CPT1B: variants seen among roughly 807,000 people sequenced by gnomAD.
CPT1B encodes carnitine O-palmitoyltransferase 1, muscle isoform.
A neutral mutation model predicts 92.7 loss-of-function variants in CPT1B; 57 were observed. The ratio of observed to expected loss-of-function variants is 0.62; its 90% CI spans 0.50 to 0.77. CPT1B has a LOEUF of 0.77. CPT1B is among the 30% of genes least tolerant of loss of function. CPT1B has a pLI of 0.00. For missense variants in CPT1B, 983 were observed against 1,017.4 expected, an observed-to-expected ratio of 0.97 and a Z score of 0.46; for synonymous variants, 398 against 383.5, an observed-to-expected ratio of 1.04 and a Z score of -0.44.
chr22:50,573,038 G>A lies in CPT1B; in HGVS notation c.1189C>T (p.Gln397Ter). 1 of 1,603,702 alleles carries A rather than the reference G, an allele frequency of 6.2e-7. No homozygotes were observed. The highest frequency in any genetic ancestry group is 8.5e-7 in the Non-Finnish European group (1 of 1,171,922). ...TTCTTTCCAGAGCTAAAGAAGGCCT[G>A]GCGTGCCTGCGCCCACTCCACCCTG... ...GGRVEWAQARQAFFSSGKNKA... is the reference protein window; with the variant it reads ...GGRVEWAQAR Residue 397 changes from glutamine to a stop codon, truncating the protein, a stop_gained, in exon 11 of 20, where the codon CAG (glutamine) becomes TAG (stop). Transcript: ENST00000312108. LOFTEE classifies it high-confidence loss of function. This position sits in a 1 kb window ranked among gnomAD's most constrained non-coding sequence, Gnocchi z 5.0.
In CPT1B at chr22:50,572,073, T is replaced by C; in HGVS notation, c.1508A>G (p.His503Arg). ...SFHLGYTETG[H>R]CLGKPNPALA... Reference sequence around the variant, plus strand: ...CGCAGGGTTCGGTTTGCCCAGGCAGTGCCCGGTCTCCGTGTAGCCCAGGTG... The same window carrying C: ...CGCAGGGTTCGGTTTGCCCAGGCAGCGCCCGGTCTCCGTGTAGCCCAGGTG... Residue 503 changes from histidine to arginine, a missense_variant, in exon 13 of 20, where the codon CAC (histidine) becomes CGC (arginine). Coordinates refer to ENST00000312108, the MANE Select transcript of CPT1B (RefSeq NM_152246.3). 1 of 1,614,164 alleles carries C rather than the reference T, an allele frequency of 6.2e-7. No individual in the cohort carries two copies. The highest frequency in any genetic ancestry group is 1.1e-5 in the South Asian group (1 of 91,082).
chr22:50,577,757 A>T lies in CPT1B; in HGVS notation c.141+18T>A. ...AGCCGGCCTCTGCCTACGCTCTGGGAGAAGCACCTGTGCGCACCTTGATGC... is the reference window on the plus strand; with the variant it reads ...AGCCGGCCTCTGCCTACGCTCTGGGTGAAGCACCTGTGCGCACCTTGATGC... On this transcript the variant is annotated intron_variant, in intron 2 of 19. Coordinates refer to ENST00000312108, the MANE Select transcript of CPT1B (RefSeq NM_152246.3). 1 of 1,609,026 alleles carries T rather than the reference A, an allele frequency of 6.2e-7. No homozygotes were observed. The highest frequency in any genetic ancestry group is 8.5e-7 in the Non-Finnish European group (1 of 1,176,008).
chr22:50,577,318 C>T lies in CPT1B; in HGVS notation c.281+6G>A. 1 of 1,613,568 alleles carries T rather than the reference C, an allele frequency of 6.2e-7. No individual in the cohort carries two copies. Among genetic ancestry groups the T allele is most frequent in the Non-Finnish European group, 8.5e-7 (1 of 1,179,912 alleles). On this transcript the variant is annotated splice_donor_region_variant and intron_variant, in intron 3 of 19. Coordinates refer to ENST00000312108, the MANE Select transcript of CPT1B (RefSeq NM_152246.3). The stretch of plus-strand genomic sequence containing the variant: ...GCACCTGTGCCCTTCCAGTTTCACT[C>T]CTTACCCCTGAGGGAGGCATCTCTG...
intron 13 of CPT1B, 189 bp downstream of exon 13, chr22:50,571,817 G>T: frequency 1.4e-6 from 1 of 691,092 alleles, no homozygotes; most frequent in Non-Finnish European, 2.5e-6. Context: ...CCCCAGGGGC[G>T]GTGGGTGGTC....
At chr22:50,571,595 G>C (rs2070178059) in intron 13 of CPT1B, 56 bp from the exon 14 acceptor site, 37 of 1,581,302 alleles carry the variant, frequency 2.3e-5, no homozygotes, top group Middle Eastern at 3.4e-4. Context: ...CAGGACTCTG[G>C]GTCATGTCTA....
chr22:50,572,804 T>C (rs1043761185), intron 11 of CPT1B, 71 bp downstream of exon 11: 86 of 1,508,462 alleles, frequency 5.7e-5, no homozygotes, highest in Non-Finnish European at 9.1e-6. Context: ...CCTTCTTTTA[T>C]CTTTAATCCT....
At chr22:50,576,366 C>G in intron 5 of CPT1B, 31 bp from the exon 6 acceptor site, 1 of 1,613,698 alleles carries the variant, frequency 6.2e-7, no homozygotes, top group Non-Finnish European at 8.5e-7. Flanking sequence ...ACCGTGGGGC[C>G]AGATGGCAAG....
In CPT1B at chr22:50,570,398, C is replaced by T. The variant is rs201695087; in HGVS notation, c.2037G>A (p.Ser679=). ...VSSPFLAEVL[S]EPWRLSTSQI... is the part of the protein sequence containing the mutation. ...GGCTGGTGGAGAGACGCCAGGGTTC[C>T]GAGAGCACCTGCAATGGAGGCCACA... The change falls in exon 17 of 20, where the codon TCG becomes TCA. Residue 679 remains serine (S), a synonymous_variant. Coordinates refer to ENST00000312108, the MANE Select transcript of CPT1B (RefSeq NM_152246.3). 9.4e-6 allele frequency: 15 copies of T among 1,596,178 alleles called. No homozygotes were observed. Among genetic ancestry groups the T allele is most frequent in the Middle Eastern group, 1.7e-4 (1 of 5,964 alleles).
rs779800038 is a variant in CPT1B, at chr22:50,576,071, C to T, written c.741G>A (p.Arg247=). ...AGTTGCTGTTCACCATGAGAGGGCT[C>T]CTGCCTCGAAGGTAGATGTACTCTT... ...WWEEYIYLRG[R]SPLMVNSNYY... is the part of the protein sequence containing the mutation. The change falls in exon 7 of 20, where the codon AGG becomes AGA. Residue 247 remains arginine, a synonymous_variant. Coordinates refer to ENST00000312108, the MANE Select transcript of CPT1B (RefSeq NM_152246.3). The T allele has an allele frequency of 6.2e-7, 1 of 1,614,144 alleles. No homozygotes were observed. The highest frequency in any genetic ancestry group is 1.3e-5 in the African/African-American group (1 of 75,030).
chr22:50,575,984 A>C, intron 7 of CPT1B, 51 bp downstream of exon 7: 2 of 1,568,666 alleles, frequency 1.3e-6, no homozygotes, highest in Non-Finnish European at 1.8e-6. Flanking sequence ...CTTGCCTTGG[A>C]GCTGGGACAG....
At chr22:50,570,788 G>A in intron 16 of CPT1B, 103 bp downstream of exon 16, 2 of 1,485,990 alleles carry the variant, frequency 1.3e-6, no homozygotes, top group South Asian at 2.5e-5. Flanking sequence ...GGAGCTTCAG[G>A]GGAGCAAGCC....
At chr22:50,574,054 G>A (rs1365950048) in intron 9 of CPT1B, 43 of 676,430 alleles carry the variant, frequency 6.4e-5, no homozygotes, top group South Asian at 5.3e-4. Context: ...CTCCTCTGCC[G>A]GCTCCATGGC....
chr22:50,570,351 C>CGGATCTGGGATTGGG lies in CPT1B; in HGVS notation c.2069_2083dup (p.Pro690_Ile694dup). The CGGATCTGGGATTGGG allele has an allele frequency of 6.2e-7, 1 of 1,607,794 alleles. No homozygotes were observed. The highest frequency in any genetic ancestry group is 1.1e-5 in the South Asian group (1 of 90,344). On this transcript the variant is annotated inframe_insertion, in exon 17 of 20. Transcript: ENST00000312108. ...GGGGTGCTGCTCTGGGTCGAACATG[C>CGGATCTGGGATTGGG]GGATCTGGGATTGGGGGATCTGGCT...
intron 19 of CPT1B, 81 bp from the exon 20 acceptor site, chr22:50,569,162 C>A (rs2070030387): frequency 3.4e-6 from 2 of 591,784 alleles, no homozygotes; most frequent in South Asian, 4.4e-5. Flanking sequence ...CTGCTCCAAC[C>A]CCACCTCCAC....
intron 3 of CPT1B, 84 bp from the exon 4 acceptor site, chr22:50,577,118 G>A: frequency 1.3e-6 from 2 of 1,506,592 alleles, no homozygotes; most frequent in Non-Finnish European, 1.8e-6. Context: ...GAGACACCAA[G>A]GGGAAGAACC....
intron 2 of CPT1B, 58 bp downstream of exon 2, chr22:50,577,717 C>T: frequency 2.5e-6 from 4 of 1,596,160 alleles, no homozygotes; most frequent in Non-Finnish European, 3.4e-6. Context: ...CCTAACAAAG[C>T]GCTTAACAGC....
At chr22:50,575,764 T>C (rs1001814875) in intron 7 of CPT1B, among the ~76,000 whole-genome samples, 1 of 152,216 alleles carries the variant, frequency 6.6e-6, no homozygotes, top group African/African-American at 2.4e-5. Flanking sequence ...GAGCCCGAGC[T>C]GGGCAGGGGC....
At chr22:50,575,946 C>T (rs1366989697) in intron 7 of CPT1B, 89 bp downstream of exon 7, 5 of 1,280,100 alleles carry the variant, frequency 3.9e-6, no homozygotes, top group Admixed American at 1.7e-5. Context: ...GAAGCTGCTA[C>T]TAGAGCTCTG....
intron 4 of CPT1B, 53 bp downstream of exon 4, chr22:50,576,804 G>T: frequency 6.2e-7 from 1 of 1,606,728 alleles, no homozygotes; most frequent in Non-Finnish European, 8.5e-7. Flanking sequence ...CCCCAAAGGA[G>T]TCCAAAGAGT....
Sources: gnomAD v4.1 joint callset for allele counts (sites outside exome capture counted in the v4.1 genomes callset) on GRCh38, gnomAD v4.1.1 for gene constraint, Gnocchi (gnomAD v3.1) non-coding constraint, MANE v1.5 for transcripts, NCBI Gene and HGNC (gene_info 2026-07-23, HGNC 2026-07-21) for gene names.